Variants in ABHD8 observed in about 807,000 individuals in gnomAD.
ABHD8 encodes the protein abhydrolase domain containing 8, also known as protein ABHD8.
Under a neutral mutation model 29.3 loss-of-function variants are expected in ABHD8, and 10 were observed. The ratio of observed to expected loss-of-function variants is 0.34; its 90% CI spans 0.21 to 0.58. The LOEUF is 0.58. ABHD8 is among the 20% of genes least tolerant of loss of function. The probability of loss-of-function intolerance (pLI) is 0.85; values close to 1 mark genes in which losing one functional copy is unlikely to be tolerated. For synonymous variants in ABHD8, 282 were observed against 274.6 expected (o/e 1.03, Z -0.27); for missense variants, 556 against 615.3 (o/e 0.90, Z 1.02).
At chr19:17,294,898 A>T (rs1180430663) in intron 2 of ABHD8, 53 bp from the exon 3 acceptor site, 1 of 1,586,162 alleles carries the variant, frequency 6.3e-7, no homozygotes, top group African/African-American at 1.3e-5. Flanking sequence ...GGTCAGCAGG[A>T]TACAAGCAGT....
Position 17,292,747 on chromosome 19 carries a change from G to A in ABHD8, c.1234C>T (p.Leu412Phe). ...LECPETVNTL[L>F]HEFLLWEPEP... is the part of the protein sequence containing the mutation. The stretch of plus-strand genomic sequence containing the variant: ...GGCTCCCAGAGCAGGAATTCGTGGA[G>A]CAGCGTGTTGACCGTCTCAGGGCAT... Residue 412 changes from leucine (L) to phenylalanine (F), a missense_variant, in exon 5 of 5, where the codon CTC (leucine) becomes TTC (phenylalanine). By Grantham distance (22) the Leu-to-Phe change is conservative. Around this residue, in one of 2 missense-constraint regions of ABHD8, gnomAD observed 270 missense variants for 353.9 expected, o/e 0.76. Transcript: ENST00000247706. 6.2e-7 allele frequency: 1 copy of A among 1,613,892 alleles called. No individual in the cohort carries two copies. The highest frequency in any genetic ancestry group is 8.5e-7 in the Non-Finnish European group (1 of 1,179,946).
intron 4 of ABHD8, among the ~76,000 whole-genome samples, chr19:17,293,075 TTTC>T (rs2074078047): frequency 2.0e-5 from 3 of 148,362 alleles, no homozygotes; most frequent in Non-Finnish European, 4.4e-5. Flanking sequence ...GGAGAAGGAT[TTTC>T]TTCTTTTTTT....
chr19:17,295,954 T>TTCCAC (rs1354372892), intron 2 of ABHD8, among the ~76,000 whole-genome samples: 6 of 151,776 alleles, frequency 4.0e-5, no homozygotes, highest in African/African-American at 7.2e-5. Context: ...CAAGTGATCC[T>TTCCAC]CTGGCCTTAA....
At chr19:17,298,821 A>C (rs985671915) in intron 2 of ABHD8, among the ~76,000 whole-genome samples, 3 of 139,614 alleles carry the variant, frequency 2.1e-5, no homozygotes, top group Non-Finnish European at 4.5e-5. Flanking sequence ...GCTCACTGCA[A>C]CCTCTGCCTC....
chr19:17,299,998 G>A (rs989325055), intron 2 of ABHD8, among the ~76,000 whole-genome samples: 4 of 149,586 alleles, frequency 2.7e-5, no homozygotes, highest in East Asian at 4.0e-4. Context: ...TCCGTCTCCC[G>A]TGCTCATGCC....
In ABHD8 at chr19:17,292,296, G is replaced by C. The variant is rs955297729; in HGVS notation, c.*365C>G. 1 of 369,482 alleles carries C rather than the reference G, an allele frequency of 2.7e-6. No homozygotes were observed. The highest frequency in any genetic ancestry group is 2.1e-5 in the African/African-American group (1 of 47,688). The allele number at this position is 369,482 out of a possible 1,614,324, so 22.9% of individuals were successfully genotyped here. On this transcript the variant is annotated 3_prime_UTR_variant, in exon 5 of 5. Coordinates refer to ENST00000247706, the MANE Select transcript of ABHD8 (RefSeq NM_024527.5). ...ATGGGGCCTCGAGGGTCCCTGTGGG[G>C]CTCGTGGGTCCCAGGATCAAGCACG...
chr19:17,300,441 A>G (rs1454870519), intron 2 of ABHD8, among the ~76,000 whole-genome samples: 2 of 151,706 alleles, frequency 1.3e-5, no homozygotes, highest in Non-Finnish European at 2.9e-5. Context: ...TCCTTGCCTC[A>G]AGATATCCTC....
rs2074118597 is a variant in ABHD8 at position 17,301,508 on chromosome 19, C to G, written c.109G>C (p.Glu37Gln). The stretch of plus-strand genomic sequence containing the variant: ...CGCAGCACGCGGCCGGGCTTGACCT[C>G]TACAAAGGTGTAGCCATCGCTGGAC... ...VESSDGYTFV[E>Q]VKPGRVLRVK... Residue 37 changes from glutamate to glutamine, a missense_variant, in exon 2 of 5, where the codon GAG becomes CAG. Glu to Gln is a conservative substitution (Grantham distance 29, BLOSUM62 2). Coordinates refer to ENST00000247706, the MANE Select transcript of ABHD8 (RefSeq NM_024527.5). 9.3e-6 allele frequency: 15 copies of G among 1,611,698 alleles called. No individual in the cohort carries two copies. The highest frequency in any genetic ancestry group is 1.3e-5 in the African/African-American group (1 of 75,000).
chr19:17,297,876 G>A (rs1294841969), intron 2 of ABHD8: 2 of 150,426 alleles, frequency 1.3e-5, no homozygotes, highest in East Asian at 2.0e-4. Context: ...GATTATAGGT[G>A]TAAGCCACCA....
Position 17,292,372 on chromosome 19 carries a change from G to C in ABHD8, c.*289C>G, listed in dbSNP as rs1040136576. Reference sequence around the variant, plus strand: ...GGGGCCTGCCTTGGCCGTGGCGTTGGGGGGAAGGTGAGGGAGAGCTTCTGT... The same window carrying C: ...GGGGCCTGCCTTGGCCGTGGCGTTGCGGGGAAGGTGAGGGAGAGCTTCTGT... On this transcript the variant is annotated 3_prime_UTR_variant, in exon 5 of 5. Transcript: ENST00000247706. 25 of 441,030 alleles carry C rather than the reference G, an allele frequency of 5.7e-5. No homozygotes were observed. The highest frequency in any genetic ancestry group is 8.8e-5 in the Non-Finnish European group (22 of 250,788). 27.3% of individuals were successfully genotyped at this position (441,030 alleles called of 1,614,324 possible).
chr19:17,295,295 T>C (rs963757466), intron 2 of ABHD8, among the ~76,000 whole-genome samples: 1 of 151,036 alleles, frequency 6.6e-6, no homozygotes, highest in Admixed American at 6.6e-5. Flanking sequence ...TTAGTAGAGA[T>C]GGGGTTTCAC....
At chr19:17,292,969 T>G (rs112783028) in intron 4 of ABHD8, 138 bp from the exon 5 acceptor site, 9 of 959,874 alleles carry the variant, frequency 9.4e-6, no homozygotes, top group African/African-American at 5.0e-5. Context: ...TCTCTCCACT[T>G]CCACTCAAGG....
At chr19:17,299,244 C>CCG (rs954817387) in intron 2 of ABHD8, among the ~76,000 whole-genome samples, 1 of 148,068 alleles carries the variant, frequency 6.8e-6, no homozygotes, top group African/African-American at 2.5e-5. Context: ...ACCCCCCCCC[C>CCG]ATTCTCTATA....
In ABHD8 at chr19:17,294,446, A is replaced by T; in HGVS notation, c.991T>A (p.Phe331Ile). The change falls in exon 4 of 5, where the codon TTC becomes ATC. Residue 331 changes from phenylalanine to isoleucine, a missense_variant. Transcript: ENST00000247706. ...EKQLLKEGNA[F>I]NVSSFVLRAM... is the part of the protein sequence containing the mutation. ...CGGAGTACGAAGGATGACACGTTGAAAGCGTTGCCCTCCTTTAACAGCTGC... is the reference window on the plus strand; with the variant it reads ...CGGAGTACGAAGGATGACACGTTGATAGCGTTGCCCTCCTTTAACAGCTGC... 1 of 1,614,146 alleles carries T rather than the reference A, an allele frequency of 6.2e-7. No homozygotes were observed. Among genetic ancestry groups the T allele is most frequent in the Non-Finnish European group, 8.5e-7 (1 of 1,180,004 alleles).
At chr19:17,297,845 C>T (rs1256528381) in intron 2 of ABHD8, 1 of 151,374 alleles carries the variant, frequency 6.6e-6, no homozygotes, top group Admixed American at 6.6e-5. Flanking sequence ...GTCCTCCCAC[C>T]TCAGCTTCCC....
At chr19:17,293,954 G>T (rs8112691) in intron 4 of ABHD8, among the ~76,000 whole-genome samples, 2 of 152,096 alleles carry the variant, frequency 1.3e-5, no homozygotes, top group South Asian at 4.2e-4. Context: ...CCCTGGTGCC[G>T]GTCTTCTAGA....
rs552233794 is a variant in ABHD8 at position 17,301,595 on chromosome 19, C to G, written c.22G>C (p.Gly8Arg). ...GTGCCCAGCAGGCAACAGAAGATAC[C>G]GTCGGTCACCCCGGTCAGCATGGTG... MLTGVTDGIFCCLLGTPP... is the reference protein window; with the variant it reads MLTGVTDRIFCCLLGTPP... Residue 8 changes from glycine to arginine, a missense_variant, in exon 2 of 5, where the codon GGT becomes CGT. Transcript: ENST00000247706. 5.8e-6 allele frequency: 9 copies of G among 1,565,150 alleles called. No individual in the cohort carries two copies. Among genetic ancestry groups the G allele is most frequent in the Non-Finnish European group, 7.8e-6 (9 of 1,155,976 alleles).
chr19:17,294,361 G>A lies in ABHD8; in HGVS notation c.1076C>T (p.Thr359Ile), dbSNP rs1479925569. Residue 359 changes from threonine to isoleucine, a missense_variant, in exon 4 of 5, where the codon ACC becomes ATC. Physicochemically the swap from Thr to Ile is moderately conservative, Grantham distance 89. This residue lies in a region of ABHD8 where 270 missense variants were observed against 353.9 expected (regional missense o/e 0.76). Transcript: ENST00000247706. ...EGDEVYHAELTVPVLLVHGMH... is the reference protein window; with the variant it reads ...EGDEVYHAELIVPVLLVHGMH... ...GCCGTGGACAAGCAGGACGGGCACGGTGAGCTCGGCGTGGTAGACCTCGTC... is the reference window on the plus strand; with the variant it reads ...GCCGTGGACAAGCAGGACGGGCACGATGAGCTCGGCGTGGTAGACCTCGTC... 6.2e-7 allele frequency: 1 copy of A among 1,613,724 alleles called. No homozygotes were observed. The highest frequency in any genetic ancestry group is 8.5e-7 in the Non-Finnish European group (1 of 1,179,996).
At position 17,294,387 on chromosome 19, in the gene ABHD8, G is replaced by C; in HGVS notation, c.1050C>G (p.Gly350=). The part of the protein sequence containing the change: ...AMMSGQYWPE[G]DEVYHAELTV... ...TGAGCTCGGCGTGGTAGACCTCGTC[G>C]CCCTCGGGCCAGTACTGGCCGCTCA... The change falls in exon 4 of 5, where the codon GGC becomes GGG. Residue 350 remains glycine, a synonymous_variant. Coordinates refer to ENST00000247706, the MANE Select transcript of ABHD8 (RefSeq NM_024527.5). 6.2e-7 allele frequency: 1 copy of C among 1,613,964 alleles called. No homozygotes were observed. Among genetic ancestry groups the C allele is most frequent in the Non-Finnish European group, 8.5e-7 (1 of 1,180,000 alleles).
Sources: gnomAD v4.1 joint callset for allele counts (sites outside exome capture counted in the v4.1 genomes callset) on GRCh38, gnomAD v4.1.1 for gene constraint, gnomAD v4.1.1 regional missense constraint, MANE v1.5 for transcripts, NCBI Gene and HGNC (gene_info 2026-07-23, HGNC 2026-07-21) for gene names.